PTBP3: variants seen among roughly 807,000 people sequenced by gnomAD.
The protein encoded by PTBP3 is polypyrimidine tract-binding protein 3.
PTBP3 carries 20 observed loss-of-function variants against 58.7 expected under a neutral mutation model. The ratio of observed to expected loss-of-function variants is 0.34; its 90% CI spans 0.24 to 0.50. The LOEUF (loss-of-function observed/expected upper bound fraction) is 0.50, where lower values mean the gene tolerates loss of function less well. Ranked by LOEUF, PTBP3 falls within the 20% of genes least tolerant of loss-of-function variation. PTBP3 has a pLI of 0.98. For missense variants in PTBP3, 509 were observed against 637.2 expected (o/e 0.80, Z 2.17); for synonymous variants, 185 against 219.8 (o/e 0.84, Z 1.40).
At chr9:112,277,368 C>T (rs759041190) in intron 2 of PTBP3, among the ~76,000 whole-genome samples, 4 of 152,130 alleles carry the variant, frequency 2.6e-5, no homozygotes, top group Non-Finnish European at 5.9e-5. Context: ...ATTCCATCTC[C>T]TCCTCTCCCT....
chr9:112,350,069 A>C, the PTBP3 span, among the ~76,000 whole-genome samples: 3 of 151,674 alleles, frequency 2.0e-5, no homozygotes, highest in African/African-American at 7.3e-5. Context: ...CCATTTAAAG[A>C]TTTTTAAATT....
chr9:112,254,921 T>C (rs1177019178), intron 5 of PTBP3, among the ~76,000 whole-genome samples: 1 of 152,210 alleles, frequency 6.6e-6, no homozygotes, highest in Non-Finnish European at 1.5e-5. Context: ...CATATACCCA[T>C]GTGTATCGCA....
chr9:112,287,979 A>C (rs1335947502), intron 2 of PTBP3, among the ~76,000 whole-genome samples: 2 of 152,138 alleles, frequency 1.3e-5, no homozygotes, highest in East Asian at 3.9e-4. Flanking sequence ...GATGCTCCAC[A>C]TTAGGAGCAC....
the PTBP3 span, among the ~76,000 whole-genome samples, chr9:112,353,874 C>T: frequency 6.6e-6 from 1 of 152,000 alleles, no homozygotes; most frequent in Non-Finnish European, 1.5e-5. Flanking sequence ...AGGAGAATCA[C>T]TTGAACCCAG....
chr9:112,227,391 A>G lies in PTBP3; in HGVS notation c.1364+20T>C, dbSNP rs1401540179. ...AGATTATTCATCATCTAAGTGATTA[A>G]TAACTTATTAGGTACATACGGAATG... is the stretch of plus-strand genomic sequence containing the variant. On this transcript the variant is annotated intron_variant, in intron 12 of 13. Coordinates refer to ENST00000374257, the MANE Select transcript of PTBP3 (RefSeq NM_001163788.4). 1.9e-6 allele frequency: 3 copies of G among 1,604,088 alleles called. No homozygotes were observed. The highest frequency in any genetic ancestry group is 1.1e-5 in the South Asian group (1 of 90,882).
At chr9:112,271,383 A>C (rs1466311706) in intron 3 of PTBP3, among the ~76,000 whole-genome samples, 1 of 152,198 alleles carries the variant, frequency 6.6e-6, no homozygotes, top group Non-Finnish European at 1.5e-5. Flanking sequence ...AAAAAGTTTC[A>C]GATTTAGAGC....
rs1834866776 is a variant in PTBP3 at position 112,223,334 on chromosome 9, A to G, written c.*517T>C. On this transcript the variant is annotated 3_prime_UTR_variant, in exon 14 of 14. Coordinates refer to ENST00000374257, the MANE Select transcript of PTBP3 (RefSeq NM_001163788.4). ...ATGTGTTTATGCATAATAACCATCAATATATGGCAAAGATCTGATGTACTT... is the reference window on the plus strand; with the variant it reads ...ATGTGTTTATGCATAATAACCATCAGTATATGGCAAAGATCTGATGTACTT... 1.0e-6 allele frequency: 1 copy of G among 974,484 alleles called. No homozygotes were observed. The highest frequency in any genetic ancestry group is 1.8e-5 in the African/African-American group (1 of 56,956). 60.4% of individuals were successfully genotyped at this position (974,484 alleles called of 1,614,324 possible). A position where few individuals can be genotyped will look rare whatever the true frequency, so the allele number is the denominator to read the frequency against.
Position 112,227,470 on chromosome 9 carries a change from G to A in PTBP3, c.1305C>T (p.Gly435=), listed in dbSNP as rs1177641256. Reference sequence around the variant, plus strand: ...GAAAGATATTCTGGAAGTTTTTAGAGCCCGGCTTTTTAAAGCGATGCAAAG... The same window carrying A: ...GAAAGATATTCTGGAAGTTTTTAGAACCCGGCTTTTTAAAGCGATGCAAAG... ...NSPLHRFKKP[G]SKNFQNIFPP... Residue 435 remains glycine (G), a synonymous_variant, in exon 12 of 14, where the codon GGC becomes GGT. Coordinates refer to ENST00000374257, the MANE Select transcript of PTBP3 (RefSeq NM_001163788.4). The A allele has an allele frequency of 6.2e-7, 1 of 1,613,972 alleles. No homozygotes were observed. The highest frequency in any genetic ancestry group is 1.7e-5 in the Admixed American group (1 of 59,986).
chr9:112,334,265 A>T (rs1427062547), upstream of PTBP3, among the ~76,000 whole-genome samples: 1 of 152,202 alleles, frequency 6.6e-6, no homozygotes, highest in African/African-American at 2.4e-5. Flanking sequence ...ATCTGAGTGC[A>T]TTTCGACCTA....
intron 1 of PTBP3, chr9:112,332,985 G>A: frequency 7.6e-7 from 1 of 1,318,174 alleles, no homozygotes; most frequent in Non-Finnish European, 9.7e-7. Context: ...GCCCAGACGT[G>A]TACCGACGCG....
chr9:112,339,215 C>A, the PTBP3 span, among the ~76,000 whole-genome samples: 1 of 144,294 alleles, frequency 6.9e-6, no homozygotes, highest in Non-Finnish European at 1.5e-5. Context: ...CACCTGAGCC[C>A]AGGAAGTTGA....
At chr9:112,277,988 C>A (rs1233030853) in intron 2 of PTBP3, among the ~76,000 whole-genome samples, 1 of 150,604 alleles carries the variant, frequency 6.6e-6, no homozygotes, top group African/African-American at 2.5e-5. Context: ...TAATGTATAT[C>A]ATGTCATTAT....
chr9:112,329,186 G>A (rs569115537), intron 1 of PTBP3, among the ~76,000 whole-genome samples: 13 of 152,120 alleles, frequency 8.5e-5, no homozygotes, highest in South Asian at 4.1e-4. Flanking sequence ...CAAGGAGGGC[G>A]GATCACCTGA....
the PTBP3 span, among the ~76,000 whole-genome samples, chr9:112,375,984 C>T: frequency 8.6e-5 from 13 of 152,014 alleles, no homozygotes; most frequent in African/African-American, 2.7e-4. Flanking sequence ...GCAAAGGCTC[C>T]AAATAGCATC....
intron 2 of PTBP3, among the ~76,000 whole-genome samples, chr9:112,290,709 C>CACACAA (rs1554799456): frequency 5.3e-5 from 7 of 131,630 alleles, no homozygotes; most frequent in African/African-American, 1.9e-4. Context: ...TATATATATA[C>CACACAA]ACACACACAC....
the PTBP3 span, among the ~76,000 whole-genome samples, chr9:112,356,186 C>T: frequency 1.3e-5 from 2 of 151,966 alleles, no homozygotes; most frequent in Non-Finnish European, 2.9e-5. Flanking sequence ...ACCATGTCGA[C>T]CAGGCCAGTC....
chr9:112,366,631 G>A, the PTBP3 span, among the ~76,000 whole-genome samples: 1 of 152,184 alleles, frequency 6.6e-6, no homozygotes, highest in Non-Finnish European at 1.5e-5. Context: ...CCAAAGATGC[G>A]TAGAAATGCT....
chr9:112,355,620 T>C, the PTBP3 span, among the ~76,000 whole-genome samples: 1 of 150,468 alleles, frequency 6.6e-6, no homozygotes, highest in Admixed American at 6.6e-5. Flanking sequence ...GAACTCTTTT[T>C]CTTTTTTTTT....
chr9:112,254,981 G>C (rs960594337), intron 5 of PTBP3, among the ~76,000 whole-genome samples: 1 of 152,052 alleles, frequency 6.6e-6, no homozygotes, highest in Non-Finnish European at 1.5e-5. Context: ...GTTCATCAAT[G>C]AATAAATGGA....
Sources: gnomAD v4.1 joint callset for allele counts (sites outside exome capture counted in the v4.1 genomes callset) on GRCh38, gnomAD v4.1.1 for gene constraint, MANE v1.5 for transcripts, NCBI Gene and HGNC (gene_info 2026-07-23, HGNC 2026-07-21) for gene names.